The following ARHGAP15 variants were observed in gnomAD, a reference collection of about 807,000 sequenced individuals.
The protein encoded by ARHGAP15 is rho GTPase-activating protein 15.
In ARHGAP15, 51 loss-of-function variants were observed where a neutral mutation model predicts 63.7. The observed-to-expected ratio is 0.80, with a 90% CI of 0.64 to 1.01. ARHGAP15 has a LOEUF of 1.01. Ranked by LOEUF, ARHGAP15 falls within the 50% of genes least tolerant of loss-of-function variation. The pLI is 0.00. For synonymous variants in ARHGAP15, 191 were observed against 193.8 expected (o/e 0.99, Z 0.12); for missense variants, 560 against 564.6 (o/e 0.99, Z 0.08).
At chr2:143,264,896 A>C (rs1402365403) in intron 6 of ARHGAP15, among the ~76,000 whole-genome samples, 1 of 152,172 alleles carries the variant, frequency 6.6e-6, no homozygotes, top group African/African-American at 2.4e-5. Context: ...CTAGCTCCAT[A>C]GAGGCTTGTA....
At chr2:143,573,031 A>C (rs956039762) in intron 11 of ARHGAP15, among the ~76,000 whole-genome samples, 1 of 152,190 alleles carries the variant, frequency 6.6e-6, no homozygotes, top group African/African-American at 2.4e-5. Flanking sequence ...TGTTTATAGA[A>C]GAAACAATAT....
intron 6 of ARHGAP15, among the ~76,000 whole-genome samples, chr2:143,315,744 A>G (rs1043279468): frequency 6.6e-6 from 1 of 152,156 alleles, no homozygotes; most frequent in Non-Finnish European, 1.5e-5. Context: ...AAGTCGTGTT[A>G]TATATTCCTG....
intron 6 of ARHGAP15, among the ~76,000 whole-genome samples, chr2:143,362,004 T>C (rs1686077096): frequency 6.6e-6 from 1 of 152,184 alleles, no homozygotes. Flanking sequence ...CGAAGTTCTA[T>C]CCATCCTGGA....
At chr2:143,358,696 A>C (rs1333929937) in intron 6 of ARHGAP15, among the ~76,000 whole-genome samples, 13 of 151,708 alleles carry the variant, frequency 8.6e-5, no homozygotes, top group Non-Finnish European at 1.6e-4. Flanking sequence ...ACATATCTAT[A>C]CTAACAGATT....
At chr2:143,417,289 A>C (rs2105041471) in intron 6 of ARHGAP15, among the ~76,000 whole-genome samples, 1 of 152,224 alleles carries the variant, frequency 6.6e-6, no homozygotes, top group East Asian at 1.9e-4. Context: ...ACACCTGTGC[A>C]TTATGGAGAT....
At position 143,435,705 on chromosome 2, in the gene ARHGAP15, T is replaced by C; in HGVS notation, c.573+6T>C. ...AAAATGCAATTGACAGATTGGTATG[T>C]ATTTGTTTTGGCTGTTACCTTTATT... On this transcript the variant is annotated splice_donor_region_variant and intron_variant, in intron 7 of 13. Transcript: ENST00000295095. 1 of 1,602,804 alleles carries C rather than the reference T, an allele frequency of 6.2e-7. No individual in the cohort carries two copies. Among genetic ancestry groups the C allele is most frequent in the Non-Finnish European group, 8.5e-7 (1 of 1,176,690 alleles).
intron 12 of ARHGAP15, among the ~76,000 whole-genome samples, chr2:143,690,262 A>G (rs988012179): frequency 1.3e-5 from 2 of 152,232 alleles, no homozygotes; most frequent in Admixed American, 6.5e-5. Flanking sequence ...TTAAATTATT[A>G]TAAGAATTCT....
At chr2:143,755,965 C>CAA (rs372717172) in intron 13 of ARHGAP15, among the ~76,000 whole-genome samples, 1 of 142,260 alleles carries the variant, frequency 7.0e-6, no homozygotes, top group South Asian at 2.2e-4. Flanking sequence ...GACTCCATCT[C>CAA]AAAAAAAAAA....
intron 6 of ARHGAP15, among the ~76,000 whole-genome samples, chr2:143,356,685 C>A (rs1685824253): frequency 6.6e-6 from 1 of 152,072 alleles, no homozygotes; most frequent in South Asian, 2.1e-4. Flanking sequence ...TTTTATAACA[C>A]AATTTATGTG....
At chr2:143,361,332 C>T (rs1271292465) in intron 6 of ARHGAP15, among the ~76,000 whole-genome samples, 2 of 152,044 alleles carry the variant, frequency 1.3e-5, no homozygotes, top group Non-Finnish European at 2.9e-5. Context: ...TATAAAGTCT[C>T]CAAATAATTA....
chr2:143,317,579 A>G (rs887904782), intron 6 of ARHGAP15, among the ~76,000 whole-genome samples: 2 of 152,264 alleles, frequency 1.3e-5, no homozygotes, highest in African/African-American at 2.4e-5. Flanking sequence ...CTAGAGTATT[A>G]TGCGTGAAAC....
intron 10 of ARHGAP15, 68 bp downstream of exon 10, chr2:143,519,432 G>A: frequency 8.0e-7 from 1 of 1,257,394 alleles, no homozygotes; most frequent in Non-Finnish European, 1.2e-6. Context: ...ACTCAAGTTA[G>A]CAGTGCCACC....
At chr2:143,309,188 C>A (rs1276145194) in intron 6 of ARHGAP15, among the ~76,000 whole-genome samples, 2 of 152,022 alleles carry the variant, frequency 1.3e-5, no homozygotes, top group Non-Finnish European at 2.9e-5. Flanking sequence ...TCCCTTCATG[C>A]TATACCTCTA....
intron 6 of ARHGAP15, among the ~76,000 whole-genome samples, chr2:143,267,524 T>C (rs747798295): frequency 6.6e-5 from 10 of 152,160 alleles, no homozygotes; most frequent in Non-Finnish European, 1.3e-4. Context: ...TTATAGGAGC[T>C]GAAGGTCAAA....
chr2:143,514,060 G>T (rs34491526), intron 9 of ARHGAP15, among the ~76,000 whole-genome samples: 71,352 of 151,978 alleles, frequency 0.47, 17,187 homozygotes, highest in East Asian at 0.78. Flanking sequence ...TTAGTGTAGT[G>T]TACAATAAAC....
chr2:143,496,013 G>A (rs762761413), intron 9 of ARHGAP15, among the ~76,000 whole-genome samples: 38 of 152,050 alleles, frequency 2.5e-4, no homozygotes, highest in South Asian at 4.1e-4. Context: ...ACTTCTTTAT[G>A]GTTCAAAATT....
intron 6 of ARHGAP15, among the ~76,000 whole-genome samples, chr2:143,260,925 T>C (rs556327165): frequency 6.6e-6 from 1 of 152,198 alleles, no homozygotes; most frequent in South Asian, 2.1e-4. Context: ...GCAAAGAAAG[T>C]AAAATCGATA....
intron 11 of ARHGAP15, among the ~76,000 whole-genome samples, chr2:143,579,940 A>G (rs1696827312): frequency 6.8e-6 from 1 of 146,438 alleles, no homozygotes; most frequent in Admixed American, 6.8e-5. Flanking sequence ...GCAGGTTAAA[A>G]GAACTTTTCT....
intron 13 of ARHGAP15, among the ~76,000 whole-genome samples, chr2:143,720,147 C>T (rs1006020622): frequency 1.3e-5 from 2 of 151,842 alleles, no homozygotes; most frequent in East Asian, 1.9e-4. Flanking sequence ...AGAGTGGGGG[C>T]GGGGAAGATG....
Sources: allele counts gnomAD v4.1 joint callset (sites outside exome capture counted in the v4.1 genomes callset), GRCh38; gene constraint gnomAD v4.1.1; transcripts MANE v1.5; gene names NCBI Gene and HGNC (gene_info 2026-07-23, HGNC 2026-07-21).